The following IL17RB variants were observed in gnomAD, a reference collection of about 807,000 sequenced individuals.
The protein encoded by IL17RB is interleukin 17 receptor B, also known as interleukin-17 receptor B.
In IL17RB, 36 loss-of-function variants were observed where a neutral mutation model predicts 43.9. The ratio of observed to expected loss-of-function variants is 0.82; its 90% CI spans 0.63 to 1.08. The LOEUF is 1.08. IL17RB is among the 50% of genes least tolerant of loss of function. The pLI, the probability that IL17RB is intolerant of heterozygous loss-of-function variation, is 0.00. For synonymous variants in IL17RB, 225 were observed against 225.4 expected (o/e 1.00, Z 0.02); for missense variants, 613 against 613.6 (o/e 1.00, Z 0.01).
At chr3:53,847,910 TAGA>T (rs2107000588) in intron 1 of IL17RB, among the ~76,000 whole-genome samples, 1 of 152,330 alleles carries the variant, frequency 6.6e-6, no homozygotes, top group East Asian at 1.9e-4. Flanking sequence ...AAGGAGATCT[TAGA>T]AGGTGTTTGG....
chr3:53,847,485 TAA>T (rs11332832), intron 1 of IL17RB, among the ~76,000 whole-genome samples: 326 of 140,714 alleles, frequency 2.3e-3, no homozygotes, highest in Middle Eastern at 3.7e-3. Context: ...GCTCATTTGT[TAA>T]AAAAAAAAAA....
intron 10 of IL17RB, among the ~76,000 whole-genome samples, chr3:53,862,823 T>C (rs12637033): frequency 0.022 from 3,404 of 152,262 alleles, 115 homozygotes; most frequent in East Asian, 0.14. Context: ...GGAGGAAGGA[T>C]TGGTACCATA....
Position 53,860,140 on chromosome 3 carries a change from G to A in IL17RB, c.858G>A (p.Lys286=). 1 of 1,613,826 alleles carries A rather than the reference G, an allele frequency of 6.2e-7. No individual in the cohort carries two copies. Among genetic ancestry groups the A allele is most frequent in the Non-Finnish European group, 8.5e-7 (1 of 1,179,800 alleles). Reference sequence around the variant, plus strand: ...CTTTGTTTTTTCCAGACAAAAGCAAGCCGGGAGGCTGGCTGCCTCTCCTCC... The same window carrying A: ...CTTTGTTTTTTCCAGACAAAAGCAAACCGGGAGGCTGGCTGCCTCTCCTCC... ...VPFPLDNNKS[K]PGGWLPLLLL... is the part of the protein sequence containing the mutation. Residue 286 remains lysine (K), a synonymous_variant, in exon 10 of 11, where the codon AAG becomes AAA. Coordinates refer to ENST00000288167, the MANE Select transcript of IL17RB (RefSeq NM_018725.4).
chr3:53,861,485 T>C (rs980217227), intron 10 of IL17RB: 3 of 152,230 alleles, frequency 2.0e-5, no homozygotes, highest in Non-Finnish European at 2.9e-5. Context: ...TTGCACATTT[T>C]GCAGAATACC....
chr3:53,850,933 G>A (rs1487787769), intron 3 of IL17RB, among the ~76,000 whole-genome samples: 3 of 152,190 alleles, frequency 2.0e-5, no homozygotes, highest in Admixed American at 1.3e-4. Context: ...TGAGTGTCCC[G>A]ATGCATCAAG....
rs1296129609 is a variant in IL17RB, at chr3:53,860,143, GGGAGGCTGGCTGCCTCTCCTCCTGCT to G, written c.863_888del (p.Gly288ValfsTer37). The G allele has an allele frequency of 1.9e-6, 3 of 1,613,452 alleles. No homozygotes were observed. Among genetic ancestry groups the G allele is most frequent in the African/African-American group, 1.3e-5 (1 of 74,908 alleles). On this transcript the variant is annotated frameshift_variant, in exon 10 of 11. Coordinates refer to ENST00000288167, the MANE Select transcript of IL17RB (RefSeq NM_018725.4). LOFTEE classifies it high-confidence loss of function. ...TGTTTTTTCCAGACAAAAGCAAGCC[GGGAGGCTGGCTGCCTCTCCTCCTGCT>G]GTCTCTGCTGGTGGCCACATGGGTG...
chr3:53,849,857 T>C (rs1699071455), intron 3 of IL17RB, 62 bp downstream of exon 3: 1 of 1,449,944 alleles, frequency 6.9e-7, no homozygotes. Context: ...ATGTGCAGAC[T>C]ATATGAACCA....
At position 53,849,732 on chromosome 3, in the gene IL17RB, A is replaced by G. The variant is rs536224143; in HGVS notation, c.163A>G (p.Thr55Ala). The stretch of plus-strand genomic sequence containing the variant: ...GGACCTCCGAGTAGAACCTGTTACA[A>G]CTAGTGTTGCAACAGGGGACTATTC... ...LRDLRVEPVT[T>A]SVATGDYSIL... Residue 55 changes from threonine (T) to alanine (A), a missense_variant, in exon 3 of 11, where the codon ACT becomes GCT. Coordinates refer to ENST00000288167, the MANE Select transcript of IL17RB (RefSeq NM_018725.4). The G allele has an allele frequency of 3.2e-5, 52 of 1,613,026 alleles. No homozygotes were observed. The South Asian group carries it at 5.7e-4, about 18-fold the overall frequency.
At chr3:53,858,616 G>A in intron 8 of IL17RB, 103 bp from the exon 9 acceptor site, 1 of 1,513,404 alleles carries the variant, frequency 6.6e-7, no homozygotes, top group East Asian at 2.4e-5. Flanking sequence ...TAGAGGTATG[G>A]GCGAAGCCAG....
At chr3:53,852,413 G>A (rs561673846) in intron 4 of IL17RB, among the ~76,000 whole-genome samples, 3 of 152,272 alleles carry the variant, frequency 2.0e-5, no homozygotes, top group Admixed American at 2.0e-4. Flanking sequence ...GGGATTACAG[G>A]TATGAGCCAC....
rs775142430 is a variant in IL17RB, at chr3:53,856,837, C to T, written c.530-7C>T. 1.2e-6 allele frequency: 2 copies of T among 1,613,960 alleles called. No individual in the cohort carries two copies. Among genetic ancestry groups the T allele is most frequent in the South Asian group, 1.1e-5 (1 of 91,088 alleles). ...GTTCATCTACATGGTTCTCTCTCAA[C>T]TCACAGGAAGCCTGTGGGATCCGAA... On this transcript the variant is annotated splice_region_variant and splice_polypyrimidine_tract_variant and intron_variant, in intron 6 of 10. Coordinates refer to ENST00000288167, the MANE Select transcript of IL17RB (RefSeq NM_018725.4).
chr3:53,852,030 T>G lies in IL17RB; in HGVS notation c.258T>G (p.Ile86Met), dbSNP rs1420029768. Residue 86 changes from isoleucine (I) to methionine (M), a missense_variant, in exon 4 of 11, where the codon ATT (isoleucine) becomes ATG (methionine). Ile to Met is a conservative substitution (Grantham distance 10). Transcript: ENST00000288167. ...ASIRLLKATK[I>M]CVTGKSNFQS... Reference sequence around the variant, plus strand: ...TCCGCTTGTTGAAGGCCACCAAGATTTGTGTGACGGGCAAAAGCAACTTCC... The same window carrying G: ...TCCGCTTGTTGAAGGCCACCAAGATGTGTGTGACGGGCAAAAGCAACTTCC... The G allele has an allele frequency of 1.9e-6, 3 of 1,613,998 alleles. No homozygotes were observed. In the African/African-American group the frequency reaches 4.0e-5, roughly 22 times the overall value.
chr3:53,856,843 G>T lies in IL17RB; in HGVS notation c.530-1G>T, dbSNP rs1339462891. 6.2e-7 allele frequency: 1 copy of T among 1,614,016 alleles called. No individual in the cohort carries two copies. Among genetic ancestry groups the T allele is most frequent in the African/African-American group, 1.3e-5 (1 of 74,944 alleles). ...CTACATGGTTCTCTCTCAACTCACA[G>T]GAAGCCTGTGGGATCCGAACATCAC... is the stretch of plus-strand genomic sequence containing the variant. On this transcript the variant is annotated splice_acceptor_variant, in intron 6 of 10. Transcript: ENST00000288167. LOFTEE classifies it high-confidence loss of function.
chr3:53,852,118 G>A lies in IL17RB; in HGVS notation c.346G>A (p.Gly116Ser). ...CTTCCAGACTCAGACCAGACCCTCT[G>A]GTGGTAAAGTAAGCACTTTTTTGTT... ...EAFQTQTRPS[G>S]GKWTFSYIGF... Residue 116 changes from glycine to serine, a missense_variant, in exon 4 of 11, where the codon GGT becomes AGT. Transcript: ENST00000288167. 1 of 1,613,934 alleles carries A rather than the reference G, an allele frequency of 6.2e-7. No homozygotes were observed. Among genetic ancestry groups the A allele is most frequent in the Non-Finnish European group, 8.5e-7 (1 of 1,179,976 alleles).
intron 6 of IL17RB, among the ~76,000 whole-genome samples, chr3:53,855,881 G>C (rs546068662): frequency 1.3e-5 from 2 of 152,294 alleles, no homozygotes; most frequent in Non-Finnish European, 2.9e-5. Context: ...CTTGAATTTT[G>C]TAGTAATCCC....
intron 8 of IL17RB, chr3:53,857,891 T>C: frequency 1.7e-6 from 1 of 578,744 alleles, no homozygotes. Context: ...TGGTCCCTTT[T>C]GCTTGTATTA....
chr3:53,865,639 T>C lies in IL17RB; in HGVS notation c.*331T>C. On this transcript the variant is annotated 3_prime_UTR_variant, in exon 11 of 11. Coordinates refer to ENST00000288167, the MANE Select transcript of IL17RB (RefSeq NM_018725.4). ...CCATGCATTGCAGTGTACCCAGAAC[T>C]GTTTAGCTAATATTCTATGTTTAAT... is the stretch of plus-strand genomic sequence containing the variant. 3 of 203,564 alleles carry C rather than the reference T, an allele frequency of 1.5e-5. No homozygotes were observed. Among genetic ancestry groups the C allele is most frequent in the Non-Finnish European group, 2.9e-5 (3 of 101,740 alleles). The allele number at this position is 203,564 out of a possible 1,614,324, so 12.6% of individuals were successfully genotyped here. A position where few individuals can be genotyped will look rare whatever the true frequency, so the allele number is the denominator to read the frequency against.
At position 53,865,364 on chromosome 3, in the gene IL17RB, A is replaced by G. The variant is rs1699750530; in HGVS notation, c.*56A>G. 2.9e-6 allele frequency: 4 copies of G among 1,380,032 alleles called. No homozygotes were observed. In the East Asian group the frequency reaches 7.0e-5, roughly 24 times the overall value. 85.5% of individuals were successfully genotyped at this position (1,380,032 alleles called of 1,614,324 possible). ...GCTTCCTATCCCACCAATTACAGGG[A>G]AAAAACGTGTGATGATCCTGAAGCT... On this transcript the variant is annotated 3_prime_UTR_variant, in exon 11 of 11. Transcript: ENST00000288167.
chr3:53,865,274 C>G lies in IL17RB; in HGVS notation c.1475C>G (p.Ser492Ter), dbSNP rs1276066514. ...VKQQVSAGKRSQACHDGCCSL is the reference protein window; with the variant it reads ...VKQQVSAGKR ...CAGCAGGTGTCAGCAGGAAAAAGAT[C>G]ACAAGCCTGCCACGATGGCTGCTGC... Residue 492 changes from serine to a stop codon, truncating the protein, a stop_gained, in exon 11 of 11, where the codon TCA becomes TGA. Coordinates refer to ENST00000288167, the MANE Select transcript of IL17RB (RefSeq NM_018725.4). LOFTEE classifies it low-confidence loss of function (END_TRUNC). 1 of 1,609,174 alleles carries G rather than the reference C, an allele frequency of 6.2e-7. No homozygotes were observed. Among genetic ancestry groups the G allele is most frequent in the African/African-American group, 1.3e-5 (1 of 74,922 alleles).
Sources: gnomAD v4.1 joint callset for allele counts (sites outside exome capture counted in the v4.1 genomes callset) on GRCh38, gnomAD v4.1.1 for gene constraint, MANE v1.5 for transcripts, NCBI Gene and HGNC (gene_info 2026-07-23, HGNC 2026-07-21) for gene names.